ACAP3: variants seen among roughly 807,000 people sequenced by gnomAD.
ACAP3 encodes the protein ArfGAP with coiled-coil, ankyrin repeat and PH domains 3, also known as arf-GAP with coiled-coil, ANK repeat and PH domain-containing protein 3.
In ACAP3, 56 loss-of-function variants were observed where a neutral mutation model predicts 104.1. The observed-to-expected ratio is 0.54, with a 90% CI of 0.43 to 0.67. ACAP3 has a LOEUF of 0.67. ACAP3 is among the 30% of genes least tolerant of loss of function. The probability of loss-of-function intolerance (pLI) is 0.00; values close to 1 mark genes in which losing one functional copy is unlikely to be tolerated. For synonymous variants in ACAP3, 628 were observed against 496.2 expected (o/e 1.27, Z -3.53); for missense variants, 1,208 against 1,174.9 (o/e 1.03, Z -0.41).
Position 1,303,201 on chromosome 1 carries a change from G to A in ACAP3, c.186C>T (p.Arg62=), listed in dbSNP as rs752582607. The change falls in exon 3 of 24, where the codon CGC becomes CGT. Residue 62 remains arginine (R), a synonymous_variant. Coordinates refer to ENST00000354700, the MANE Select transcript of ACAP3 (RefSeq NM_030649.3). The surrounding 1 kb of genome is among the most constrained non-coding windows in gnomAD (Gnocchi z 4.0). ...STSRLFVSGV[R]DLSQQCQGDT... is the part of the protein sequence containing the mutation. ...CGCCCTGGCACTGCTGGGACAGGTC[G>A]CGGACGCCGCTCACGAAAAGCCTGC... The A allele has an allele frequency of 1.7e-5, 28 of 1,606,878 alleles. No individual in the cohort carries two copies. Among genetic ancestry groups the A allele is most frequent in the South Asian group, 7.8e-5 (7 of 89,694 alleles).
At chr1:1,297,973 A>C in intron 13 of ACAP3, 40 bp from the exon 14 acceptor site, 1 of 1,610,914 alleles carries the variant, frequency 6.2e-7, no homozygotes. Context: ...TCCGGTGGGC[A>C]GGTACGCCCC....
At chr1:1,296,691 C>G (rs1000313532) in intron 14 of ACAP3, 58 bp from the exon 15 acceptor site, 12 of 1,497,168 alleles carry the variant, frequency 8.0e-6, no homozygotes, top group Non-Finnish European at 1.1e-5. Flanking sequence ...GTTTCCCCAG[C>G]AGGCCCCCTC....
chr1:1,298,388 G>A lies in ACAP3; in HGVS notation c.897C>T (p.Val299=), dbSNP rs773556674. ...RWFSIQNSQL[V]YQKKLKDALT... is the part of the protein sequence containing the mutation. ...GGCACACCTTGAGCTTCTTCTGGTA[G>A]ACCAGCTGGCTGTTCTGAATGGAGA... The change falls in exon 12 of 24, where the codon GTC becomes GTT. Residue 299 remains valine, a synonymous_variant. Coordinates refer to ENST00000354700, the MANE Select transcript of ACAP3 (RefSeq NM_030649.3). 4 of 1,603,618 alleles carry A rather than the reference G, an allele frequency of 2.5e-6. No homozygotes were observed. Among genetic ancestry groups the A allele is most frequent in the Middle Eastern group, 1.7e-4 (1 of 6,046 alleles).
At position 1,298,093 on chromosome 1, in the gene ACAP3, C is replaced by T. The variant is rs1557602661; in HGVS notation, c.936G>A (p.Val312=). ...KKLKDALTVV[V]DDLRLCSVKP... ...TCACAGAGCACAGGCGGAGGTCATC[C>T]ACCACCACGGTGAGGGCATCCTGTG... The change falls in exon 13 of 24, where the codon GTG becomes GTA. Residue 312 remains valine, a synonymous_variant. Coordinates refer to ENST00000354700, the MANE Select transcript of ACAP3 (RefSeq NM_030649.3). 2.5e-6 allele frequency: 4 copies of T among 1,608,348 alleles called. No homozygotes were observed. The African/African-American group carries it at 4.0e-5, about 16-fold the overall frequency.
chr1:1,293,968 GGGC>G, intron 22 of ACAP3, 35 bp from the exon 23 acceptor site: 1 of 1,497,014 alleles, frequency 6.7e-7, no homozygotes, highest in Non-Finnish European at 8.9e-7. Context: ...TGTCGGGGCG[GGGC>G]GGGGCGGGGC....
In ACAP3 at chr1:1,294,444, C is replaced by T. The variant is rs558704852; in HGVS notation, c.2097G>A (p.Ala699=). 3.8e-6 allele frequency: 6 copies of T among 1,574,948 alleles called. No individual in the cohort carries two copies. In the South Asian group the frequency reaches 5.7e-5, roughly 15 times the overall value. Residue 699 remains alanine, a synonymous_variant, in exon 21 of 24, where the codon GCG becomes GCA. Transcript: ENST00000354700. ...CCAGCGGCGTCTTGCCCTCATCCTC[C>T]GCGTCCGCCCAGTTGACCTCGGCCC... The part of the protein sequence containing the change: ...AHGAEVNWAD[A]EDEGKTPLVQ...
rs757573836 is a variant in ACAP3 at position 1,307,739 on chromosome 1, C to T, written c.47+30G>A. On this transcript the variant is annotated intron_variant, in intron 1 of 23. Coordinates refer to ENST00000354700, the MANE Select transcript of ACAP3 (RefSeq NM_030649.3). Reference sequence around the variant, plus strand: ...AGGCGACAGCGACGCCCCCGGCCTGCGCCCACCCCGGCGGCCCCGGGCGGC... The same window carrying T: ...AGGCGACAGCGACGCCCCCGGCCTGTGCCCACCCCGGCGGCCCCGGGCGGC... 33 of 1,091,092 alleles carry T rather than the reference C, an allele frequency of 3.0e-5. 1 individual carries two copies. The South Asian group carries it at 1.2e-3, about 41-fold the overall frequency. The allele number at this position is 1,091,092 out of a possible 1,614,324, so 67.6% of individuals were successfully genotyped here.
At position 1,293,907 on chromosome 1, in the gene ACAP3, C is replaced by T. The variant is rs1418211401; in HGVS notation, c.2276G>A (p.Gly759Asp). ...TTGGTCCAGGGCGTGCTGGTCCGCG[C>T]CCCGCTTCAGGAACAGGCAAACCTG... Reference protein sequence around the residue: ...TGQVCLFLKRGADQHALDQEQ... With the variant: ...TGQVCLFLKRDADQHALDQEQ... The change falls in exon 23 of 24, where the codon GGC becomes GAC. Residue 759 changes from glycine to aspartate, a missense_variant. By Grantham distance (94) the Gly-to-Asp change is moderately conservative. Transcript: ENST00000354700. 1 of 1,581,522 alleles carries T rather than the reference C, an allele frequency of 6.3e-7. No individual in the cohort carries two copies. Among genetic ancestry groups the T allele is most frequent in the Non-Finnish European group, 8.6e-7 (1 of 1,166,532 alleles).
In ACAP3 at chr1:1,300,050, C is replaced by T. The variant is rs1300844017; in HGVS notation, c.586G>A (p.Ala196Thr). 8 of 1,612,388 alleles carry T rather than the reference C, an allele frequency of 5.0e-6. No individual in the cohort carries two copies. Among genetic ancestry groups the T allele is most frequent in the Admixed American group, 1.7e-5 (1 of 59,964 alleles). Residue 196 changes from alanine to threonine, a missense_variant, in exon 8 of 24, where the codon GCC becomes ACC. Physicochemically the swap from Ala to Thr is moderately conservative, Grantham distance 58 (BLOSUM62 0). Transcript: ENST00000354700. Reference protein sequence around the residue: ...ILDSMLSFMHAQSSFFQQGYS... With the variant: ...ILDSMLSFMHTQSSFFQQGYS... Reference sequence around the variant, plus strand: ...CCCTGCTGGAAGAAGCTGGACTGGGCGTGCATGAAGGACAGCATCTGCGGG... The same window carrying T: ...CCCTGCTGGAAGAAGCTGGACTGGGTGTGCATGAAGGACAGCATCTGCGGG...
chr1:1,299,338 C>G lies in ACAP3; in HGVS notation c.750+7G>C. ...CCACAGCCCGCCCAGGGCCCGTGCT[C>G]ACTTACCTGCAGCAGCGTCTGGAGG... is the stretch of plus-strand genomic sequence containing the variant. On this transcript the variant is annotated splice_region_variant and intron_variant, in intron 10 of 23. Transcript: ENST00000354700. The G allele has an allele frequency of 6.3e-7, 1 of 1,590,886 alleles. No individual in the cohort carries two copies. Among genetic ancestry groups the G allele is most frequent in the Non-Finnish European group, 8.6e-7 (1 of 1,168,990 alleles).
intron 11 of ACAP3, 59 bp downstream of exon 11, chr1:1,298,508 C>CCCCCTCGG: frequency 7.3e-7 from 1 of 1,364,030 alleles, no homozygotes; most frequent in Non-Finnish European, 9.8e-7. Flanking sequence ...ACCCCACCCC[C>CCCCCTCGG]GCCTGAGGAC....
At chr1:1,306,374 C>G (rs1641695234) in intron 1 of ACAP3, among the ~76,000 whole-genome samples, 1 of 152,164 alleles carries the variant, frequency 6.6e-6, no homozygotes. Flanking sequence ...GGTCCAGCCC[C>G]CAGCAGGGAG....
chr1:1,294,640 G>A lies in ACAP3; in HGVS notation c.1913-12C>T, dbSNP rs1254814450. The A allele has an allele frequency of 1.3e-6, 2 of 1,530,018 alleles. No homozygotes were observed. The highest frequency in any genetic ancestry group is 2.1e-5 in the Admixed American group (1 of 48,752). The allele number at this position is 1,530,018 out of a possible 1,614,324, so 94.8% of individuals were successfully genotyped here. A position where few individuals can be genotyped will look rare whatever the true frequency, so the allele number is the denominator to read the frequency against. The stretch of plus-strand genomic sequence containing the variant: ...CGACTCTGCACCCTCTGTGGGGAGG[G>A]GGCGGTCAGGGAAAGCAACCCCCGG... On this transcript the variant is annotated splice_polypyrimidine_tract_variant and intron_variant, in intron 20 of 23. Transcript: ENST00000354700.
At chr1:1,295,011 C>T (rs2100401234) in intron 19 of ACAP3, 195 bp from the exon 20 acceptor site, 1 of 595,146 alleles carries the variant, frequency 1.7e-6, no homozygotes, top group East Asian at 2.9e-5. Flanking sequence ...CTCAAAGGTG[C>T]CAGGGGTAGC....
intron 23 of ACAP3, 36 bp downstream of exon 23, chr1:1,293,787 G>GGCCCCGCCCCTGCCCTGGAA (rs1570624247): frequency 2.0e-6 from 3 of 1,522,058 alleles, no homozygotes; most frequent in Non-Finnish European, 1.7e-6. Flanking sequence ...CTGCCCTGGA[G>GGCCCCGCCCCTGCCCTGGAA]GCCCCGCCCA....
At chr1:1,304,318 T>C in intron 1 of ACAP3, 175 bp from the exon 2 acceptor site, 1 of 672,242 alleles carries the variant, frequency 1.5e-6, no homozygotes, top group South Asian at 1.8e-5. Flanking sequence ...TTCAGTGCAC[T>C]TCCCCCCGCC....
intron 10 of ACAP3, chr1:1,299,047 C>A: frequency 5.3e-6 from 3 of 567,252 alleles, no homozygotes; most frequent in Non-Finnish European, 9.4e-6. Context: ...TTCAGGAGGC[C>A]TGGGAGTCAC....
intron 1 of ACAP3, chr1:1,307,181 T>C (rs1015149378): frequency 3.4e-5 from 44 of 1,282,720 alleles, no homozygotes; most frequent in Non-Finnish European, 4.5e-5. Context: ...TTCACGCAGG[T>C]GTACACGCCT....
rs978652533 is a variant in ACAP3 at position 1,307,682 on chromosome 1, C to T, written c.47+87G>A. On this transcript the variant is annotated intron_variant, in intron 1 of 23. Coordinates refer to ENST00000354700, the MANE Select transcript of ACAP3 (RefSeq NM_030649.3). ...CCCCGGCGGCCGCGGCCCGGCCCGG[C>T]GCTGACCTCCCCACCCCGCCGCCGG... 1.3e-5 allele frequency: 14 copies of T among 1,041,640 alleles called. No individual in the cohort carries two copies. The Admixed American group carries it at 5.5e-4, about 41-fold the overall frequency. The allele number at this position is 1,041,640 out of a possible 1,614,324, so 64.5% of individuals were successfully genotyped here.
Sources: gnomAD v4.1 joint callset for allele counts (sites outside exome capture counted in the v4.1 genomes callset) on GRCh38, gnomAD v4.1.1 for gene constraint, Gnocchi (gnomAD v3.1) non-coding constraint, MANE v1.5 for transcripts, NCBI Gene and HGNC (gene_info 2026-07-23, HGNC 2026-07-21) for gene names.